KIF26B: variants seen among roughly 807,000 people sequenced by gnomAD.
KIF26B encodes kinesin family member 26B.
A neutral mutation model predicts 151.2 loss-of-function variants in KIF26B; 63 were observed. That is an observed-to-expected ratio of 0.42 (90% confidence interval 0.34 to 0.51). The LOEUF is 0.51. KIF26B is among the 20% of genes least tolerant of loss of function. KIF26B has a pLI of 0.07. For missense variants in KIF26B, 2,813 were observed against 2,913.6 expected (o/e 0.97, Z 0.79); for synonymous variants, 1,357 against 1,262.1 (o/e 1.08, Z -1.59).
chr1:245,685,779 G>C lies in KIF26B; in HGVS notation c.2796G>C (p.Arg932Ser). Residue 932 changes from arginine (R) to serine (S), a missense_variant, in exon 12 of 15, where the codon AGG becomes AGC. By Grantham distance (110) the Arg-to-Ser change is moderately radical. Transcript: ENST00000407071. The stretch of plus-strand genomic sequence containing the variant: ...ACACGTTTGCCGAGCTGCAGGAGAG[G>C]CTGGACTGCATCGACGGCAGCGAGG... Reference protein sequence around the residue: ...KCNTFAELQERLDCIDGSEEP... With the variant: ...KCNTFAELQESLDCIDGSEEP... 1.9e-6 allele frequency: 3 copies of C among 1,611,438 alleles called. No individual in the cohort carries two copies. The highest frequency in any genetic ancestry group is 2.5e-6 in the Non-Finnish European group (3 of 1,178,716).
At chr1:245,472,679 T>C (rs554615438) in intron 4 of KIF26B, among the ~76,000 whole-genome samples, 4 of 152,342 alleles carry the variant, frequency 2.6e-5, no homozygotes, top group Non-Finnish European at 5.9e-5. Flanking sequence ...GCTGCCGTGG[T>C]TGGCCGTCTT....
chr1:245,646,665 C>A (rs754588776), intron 10 of KIF26B, among the ~76,000 whole-genome samples: 31 of 151,726 alleles, frequency 2.0e-4, no homozygotes, highest in Non-Finnish European at 3.5e-4. Context: ...CAGACTTAAC[C>A]AAAAAAATAT....
chr1:245,355,595 CAAA>C (rs34799952), intron 2 of KIF26B, among the ~76,000 whole-genome samples: 2,482 of 74,838 alleles, frequency 0.033, 33 homozygotes, highest in East Asian at 0.093. Flanking sequence ...GACCCTGTCT[CAAA>C]AAAAAAAAAA....
chr1:245,203,215 C>T (rs528439698), intron 2 of KIF26B, among the ~76,000 whole-genome samples: 6 of 129,904 alleles, frequency 4.6e-5, no homozygotes, highest in Non-Finnish European at 7.7e-5. Context: ...TCATTGCACT[C>T]CAGCCTGGGT....
Position 245,646,168 on chromosome 1 carries a change from G to A in KIF26B, c.2146G>A (p.Val716Met). ...GCATCTCATTGATCTCGGCAGCTGT[G>A]TGAAAGCTCTTAGCAAAAATCGAGA... ...RLHLIDLGSC[V>M]KALSKNREGG... Residue 716 changes from valine to methionine, a missense_variant, in exon 10 of 15, where the codon GTG becomes ATG. Physicochemically the swap from Val to Met is conservative, Grantham distance 21. This residue lies in a region of KIF26B where 2,060 missense variants were observed against 2,088.6 expected (regional missense o/e 0.99). Coordinates refer to ENST00000407071, the MANE Select transcript of KIF26B (RefSeq NM_018012.4). 1 of 1,614,006 alleles carries A rather than the reference G, an allele frequency of 6.2e-7. No homozygotes were observed.
intron 4 of KIF26B, among the ~76,000 whole-genome samples, chr1:245,484,505 C>T (rs1331108682): frequency 1.3e-5 from 2 of 151,906 alleles, no homozygotes; most frequent in Admixed American, 6.6e-5. Context: ...GCACTCCACT[C>T]GTCCATGTAG....
chr1:245,219,213 A>G (rs922764176), intron 2 of KIF26B, among the ~76,000 whole-genome samples: 3 of 128,508 alleles, frequency 2.3e-5, no homozygotes, highest in Admixed American at 1.1e-4. Flanking sequence ...ATCTCAGCTC[A>G]CTGCAAGCTT....
intron 10 of KIF26B, among the ~76,000 whole-genome samples, chr1:245,679,184 C>G (rs2044396160): frequency 6.6e-6 from 1 of 152,110 alleles, no homozygotes; most frequent in African/African-American, 2.4e-5. Flanking sequence ...ACAAAAGTAG[C>G]CACAGACACT....
rs1010722217 is a variant in KIF26B, at chr1:245,702,245, C to A, written c.6179-213C>A. ...TGGTCAGTAGAATCTCAGAAAAAAC[C>A]TTAAGGATCTAAATACTGGTAAAGA... is the stretch of plus-strand genomic sequence containing the variant. On this transcript the variant is annotated intron_variant, in intron 14 of 14. Transcript: ENST00000407071. The surrounding 1 kb of genome is among the most constrained non-coding windows in gnomAD (Gnocchi z 4.1). 1.3e-5 allele frequency among the ~76,000 whole-genome samples: 2 copies of A among 152,254 alleles called. No homozygotes were observed. The highest frequency in any genetic ancestry group is 6.5e-5 in the Admixed American group (1 of 15,292).
chr1:245,286,835 C>T (rs928338011), intron 2 of KIF26B, among the ~76,000 whole-genome samples: 8 of 151,900 alleles, frequency 5.3e-5, no homozygotes, highest in Non-Finnish European at 1.2e-4. Context: ...TGGCTGGGTG[C>T]GGTGGCTCAC....
intron 2 of KIF26B, among the ~76,000 whole-genome samples, chr1:245,359,660 C>CCTTCCTTCCT (rs1558402129): frequency 1.1e-4 from 16 of 151,106 alleles, no homozygotes; most frequent in African/African-American, 3.7e-4. Context: ...CATTCCTTCC[C>CCTTCCTTCCT]TCCTTCCCTC....
chr1:245,391,212 C>A (rs1022353315), intron 3 of KIF26B, among the ~76,000 whole-genome samples: 1 of 152,072 alleles, frequency 6.6e-6, no homozygotes, highest in Admixed American at 6.5e-5. Context: ...ATACAAAGTA[C>A]AAGGTAGCCT....
chr1:245,420,175 G>A (rs1224261201), intron 4 of KIF26B, among the ~76,000 whole-genome samples: 4 of 152,144 alleles, frequency 2.6e-5, no homozygotes, highest in Non-Finnish European at 5.9e-5. Flanking sequence ...AAATTGAACT[G>A]CTTAAAAGCT....
At chr1:245,402,611 G>A (rs12121603) in intron 3 of KIF26B, among the ~76,000 whole-genome samples, 17,940 of 152,200 alleles carry the variant, frequency 0.12, 1,502 homozygotes, top group East Asian at 0.24. Context: ...AGAGTTTGAC[G>A]TGTCTAAATG....
intron 3 of KIF26B, among the ~76,000 whole-genome samples, chr1:245,413,531 C>T (rs759628874): frequency 1.2e-4 from 18 of 152,062 alleles, no homozygotes; most frequent in Middle Eastern, 3.2e-3. Context: ...GGCATGGTGG[C>T]GTCCACCTGT....
chr1:245,303,249 A>AGT (rs1671467658), intron 2 of KIF26B, among the ~76,000 whole-genome samples: 1 of 130,834 alleles, frequency 7.6e-6, no homozygotes, highest in African/African-American at 3.0e-5. Flanking sequence ...CCCAGGCCGG[A>AGT]GTGCAGTGGC....
chr1:245,517,285 G>T (rs1322959914), intron 4 of KIF26B, among the ~76,000 whole-genome samples: 3 of 152,014 alleles, frequency 2.0e-5, no homozygotes, highest in Non-Finnish European at 2.9e-5. Flanking sequence ...AACCCAGAAG[G>T]CGGAGGTTGC....
intron 4 of KIF26B, among the ~76,000 whole-genome samples, chr1:245,490,372 C>T (rs978011194): frequency 2.1e-5 from 3 of 141,286 alleles, no homozygotes; most frequent in African/African-American, 8.0e-5. Flanking sequence ...AGTGCAGTGG[C>T]GCGATCTCGG....
At chr1:245,242,077 C>G (rs1670218994) in intron 2 of KIF26B, among the ~76,000 whole-genome samples, 1 of 152,208 alleles carries the variant, frequency 6.6e-6, no homozygotes, top group Admixed American at 6.5e-5. Context: ...AATAGCATCT[C>G]AAAGCTCACG....
Sources: gnomAD v4.1 joint callset for allele counts (sites outside exome capture counted in the v4.1 genomes callset) on GRCh38, gnomAD v4.1.1 for gene constraint, gnomAD v4.1.1 regional missense constraint, Gnocchi (gnomAD v3.1) non-coding constraint, MANE v1.5 for transcripts, NCBI Gene and HGNC (gene_info 2026-07-23, HGNC 2026-07-21) for gene names.